Variants in STK24 observed in about 807,000 individuals in gnomAD.
STK24 encodes serine/threonine kinase 24.
A neutral mutation model predicts 55.6 loss-of-function variants in STK24; 21 were observed. That is an observed-to-expected ratio of 0.38 (90% CI 0.27 to 0.54). The LOEUF (loss-of-function observed/expected upper bound fraction) is 0.54. STK24 is among the 20% of genes least tolerant of loss of function. The pLI, the probability that STK24 is intolerant of heterozygous loss-of-function variation, is 0.79. For missense variants in STK24, 383 were observed against 538.4 expected, an observed-to-expected ratio of 0.71 and a Z score of 2.86; for synonymous variants, 200 against 215.2, an observed-to-expected ratio of 0.93 and a Z score of 0.62.
At chr13:98,499,765 G>A (rs1488421139) in intron 2 of STK24, among the ~76,000 whole-genome samples, 1 of 152,218 alleles carries the variant, frequency 6.6e-6, no homozygotes, top group African/African-American at 2.4e-5. Flanking sequence ...GCTGCCCAAA[G>A]CTGAGGGCAG....
intron 6 of STK24, 152 bp downstream of exon 6, chr13:98,466,224 C>A: frequency 1.5e-6 from 1 of 649,222 alleles, no homozygotes; most frequent in South Asian, 5.0e-5. Flanking sequence ...ATTTGCAAAC[C>A]AAAGAAGTCA....
intron 1 of STK24, among the ~76,000 whole-genome samples, chr13:98,569,216 T>C (rs1285853913): frequency 6.6e-6 from 1 of 151,914 alleles, no homozygotes; most frequent in African/African-American, 2.4e-5. Context: ...TAAAACACAG[T>C]GGAGAAACAC....
chr13:98,487,040 C>T (rs569405843), intron 2 of STK24, among the ~76,000 whole-genome samples: 10 of 152,292 alleles, frequency 6.6e-5, no homozygotes, highest in African/African-American at 2.4e-4. Context: ...AGAAATGCCT[C>T]TGAATAACCT....
Position 98,447,123 on chromosome 13 carries a change from G to T in STK24, c.*6050C>A. On this transcript the variant is annotated 3_prime_UTR_variant, in exon 11 of 11. Transcript: ENST00000539966. ...TAAGCCCCAGTGAGACTGCCTACAT[G>T]GTGTAATGGCAGGGACTGCAGACTT... The T allele has an allele frequency of 3.2e-6, 1 of 314,108 alleles. No homozygotes were observed. The highest frequency in any genetic ancestry group is 6.0e-6 in the Non-Finnish European group (1 of 166,392). 19.5% of individuals were successfully genotyped at this position (314,108 alleles called of 1,614,324 possible).
At chr13:98,565,491 G>T (rs1764851176) in intron 1 of STK24, among the ~76,000 whole-genome samples, 1 of 152,046 alleles carries the variant, frequency 6.6e-6, no homozygotes, top group African/African-American at 2.4e-5. Flanking sequence ...AATTAGCCTG[G>T]TGTGGTCGCG....
intron 1 of STK24, among the ~76,000 whole-genome samples, chr13:98,565,635 A>T (rs2050316226): frequency 6.6e-6 from 1 of 151,402 alleles, no homozygotes; most frequent in African/African-American, 2.4e-5. Context: ...CCATCTCAAA[A>T]AAAAAAAAAA....
chr13:98,491,151 GCC>G (rs1325479045), intron 2 of STK24, among the ~76,000 whole-genome samples: 2 of 152,012 alleles, frequency 1.3e-5, no homozygotes, highest in African/African-American at 2.4e-5. Context: ...GGTACAGCTA[GCC>G]CCCTTACAGA....
chr13:98,448,377 G>C lies in STK24; in HGVS notation c.*4796C>G. On this transcript the variant is annotated 3_prime_UTR_variant, in exon 11 of 11. Coordinates refer to ENST00000539966, the MANE Select transcript of STK24 (RefSeq NM_001032296.4). ...TCCTGGAAGACGTTTCCTTTCTTCT[G>C]TATTAATGAAGCCTGGTAAAATTAA... The C allele has an allele frequency of 7.7e-7, 1 of 1,304,694 alleles. No homozygotes were observed. Among genetic ancestry groups the C allele is most frequent in the Non-Finnish European group, 1.1e-6 (1 of 898,712 alleles). The allele number at this position is 1,304,694 out of a possible 1,614,324, so 80.8% of individuals were successfully genotyped here.
chr13:98,525,925 C>G (rs1320420531), intron 1 of STK24, among the ~76,000 whole-genome samples: 1 of 152,174 alleles, frequency 6.6e-6, no homozygotes, highest in Non-Finnish European at 1.5e-5. Context: ...TCCCTAAAAT[C>G]CCCCCAAGAA....
intron 2 of STK24, among the ~76,000 whole-genome samples, chr13:98,495,698 G>A (rs145471891): frequency 3.3e-5 from 5 of 152,242 alleles, no homozygotes; most frequent in East Asian, 1.9e-4. Context: ...CCTTGTCCTC[G>A]GACACATTTC....
At chr13:98,513,132 A>G (rs1180552701) in intron 2 of STK24, among the ~76,000 whole-genome samples, 2 of 152,202 alleles carry the variant, frequency 1.3e-5, no homozygotes, top group Non-Finnish European at 2.9e-5. Flanking sequence ...CAGCCCACGC[A>G]GGGTGGACAC....
chr13:98,462,082 C>G (rs1026947254), intron 7 of STK24, among the ~76,000 whole-genome samples, 185 bp from the exon 8 acceptor site: 1 of 152,136 alleles, frequency 6.6e-6, no homozygotes, highest in Non-Finnish European at 1.5e-5. Context: ...TCCTCCCTCA[C>G]AGAGAAGAGA....
chr13:98,502,502 G>T (rs1173282372), intron 2 of STK24, among the ~76,000 whole-genome samples: 1 of 152,210 alleles, frequency 6.6e-6, no homozygotes, highest in Admixed American at 6.5e-5. Flanking sequence ...CAATGCCACA[G>T]GGTTAGGAGG....
intron 2 of STK24, among the ~76,000 whole-genome samples, chr13:98,485,738 G>A (rs886980932): frequency 1.3e-4 from 20 of 152,230 alleles, no homozygotes; most frequent in Admixed American, 9.2e-4. Flanking sequence ...AGTTAAGTTC[G>A]ATCTCTTTAG....
At chr13:98,460,969 G>A (rs1291879346) in intron 8 of STK24, among the ~76,000 whole-genome samples, 38 of 151,658 alleles carry the variant, frequency 2.5e-4, no homozygotes, top group Admixed American at 2.5e-3. Flanking sequence ...GATCACTTGA[G>A]CCCAGGAGTT....
intron 2 of STK24, among the ~76,000 whole-genome samples, chr13:98,495,781 T>C (rs941919722): frequency 2.0e-5 from 3 of 152,230 alleles, no homozygotes; most frequent in Non-Finnish European, 4.4e-5. Context: ...CGAAATGAAA[T>C]GTACGCCCTT....
Position 98,448,678 on chromosome 13 carries a change from GTTCT to G in STK24, c.*4491_*4494del, listed in dbSNP as rs919871934. On this transcript the variant is annotated 3_prime_UTR_variant, in exon 11 of 11. Transcript: ENST00000539966. The stretch of plus-strand genomic sequence containing the variant: ...GCAAGTGTTTTTCTTCCTAAAAAAA[GTTCT>G]TTCTTTTATTATTTTCACCTATTGG... 2.6e-4 allele frequency: 48 copies of G among 184,574 alleles called. No individual in the cohort carries two copies. Among genetic ancestry groups the G allele is most frequent in the South Asian group, 6.2e-4 (4 of 6,480 alleles). 11.4% of individuals were successfully genotyped at this position (184,574 alleles called of 1,614,324 possible). A position where few individuals can be genotyped will look rare whatever the true frequency, so the allele number is the denominator to read the frequency against.
At chr13:98,543,470 T>C (rs1566397033) in intron 1 of STK24, among the ~76,000 whole-genome samples, 2 of 152,180 alleles carry the variant, frequency 1.3e-5, no homozygotes, top group Non-Finnish European at 2.9e-5. Flanking sequence ...TCTCAGAACA[T>C]TCTGGTGCGT....
intron 2 of STK24, among the ~76,000 whole-genome samples, chr13:98,486,865 AC>A (rs1894828043): frequency 6.6e-6 from 1 of 152,074 alleles, no homozygotes; most frequent in African/African-American, 2.4e-5. Flanking sequence ...AGTCATTTAA[AC>A]CCTCTAAATT....
Sources: allele counts gnomAD v4.1 joint callset (sites outside exome capture counted in the v4.1 genomes callset), GRCh38; gene constraint gnomAD v4.1.1; transcripts MANE v1.5; gene names NCBI Gene and HGNC (gene_info 2026-07-23, HGNC 2026-07-21).